DKKL1: variants seen among roughly 807,000 people sequenced by gnomAD.
The protein encoded by DKKL1 is dickkopf-like protein 1.
A neutral mutation model predicts 16.5 loss-of-function variants in DKKL1; 11 were observed. The ratio of observed to expected loss-of-function variants is 0.67; its 90% CI spans 0.42 to 1.10. The LOEUF (loss-of-function observed/expected upper bound fraction) is 1.10. Among genes scored for constraint, DKKL1 ranks in the 50% least tolerant of loss-of-function variants. The pLI is 0.00. For missense variants in DKKL1, 320 were observed against 308.1 expected (o/e 1.04, Z -0.29); for synonymous variants, 119 against 133.2 (o/e 0.89, Z 0.73).
chr19:49,373,157 A>T (rs2146802454), intron 4 of DKKL1, among the ~76,000 whole-genome samples: 1 of 151,790 alleles, frequency 6.6e-6, no homozygotes, highest in Admixed American at 6.6e-5. Flanking sequence ...TGCAAAAATT[A>T]GCTGGCATGG....
intron 4 of DKKL1, chr19:49,369,065 G>C (rs1463672487): frequency 6.6e-6 from 1 of 152,152 alleles, no homozygotes; most frequent in Non-Finnish European, 1.5e-5. Context: ...ACAGCAGTAA[G>C]GACCCAATGC....
chr19:49,368,069 T>G (rs1406277669), intron 4 of DKKL1, among the ~76,000 whole-genome samples: 2 of 151,996 alleles, frequency 1.3e-5, no homozygotes, highest in Non-Finnish European at 2.9e-5. Context: ...TCCTAGCAAT[T>G]TGGGAGGCCA....
chr19:49,371,704 G>A (rs1187076399), intron 4 of DKKL1, among the ~76,000 whole-genome samples: 1 of 152,048 alleles, frequency 6.6e-6, no homozygotes, highest in African/African-American at 2.4e-5. Flanking sequence ...GTACCATGGT[G>A]GTTTGCTGTA....
chr19:49,363,805 G>C (rs1973118293), upstream of DKKL1: 2 of 754,204 alleles, frequency 2.7e-6, no homozygotes, highest in Non-Finnish European at 4.5e-6. Flanking sequence ...GGGTGAGGCC[G>C]GCAAGTTTGG....
upstream of DKKL1, among the ~76,000 whole-genome samples, chr19:49,362,880 GT>G (rs199534986): frequency 5.3e-5 from 8 of 149,974 alleles, no homozygotes; most frequent in African/African-American, 9.8e-5. Flanking sequence ...AAGCCCTGAG[GT>G]TTTTTTTCTT....
chr19:49,362,709 G>A (rs1164361752), upstream of DKKL1, among the ~76,000 whole-genome samples: 3 of 151,816 alleles, frequency 2.0e-5, no homozygotes, highest in Admixed American at 1.3e-4. Flanking sequence ...TCCTGGGTCT[G>A]GGGGCTGGGA....
chr19:49,365,889 A>G lies in DKKL1; in HGVS notation c.417+4A>G. The G allele has an allele frequency of 6.2e-7, 1 of 1,613,334 alleles. No individual in the cohort carries two copies. Among genetic ancestry groups the G allele is most frequent in the Non-Finnish European group, 8.5e-7 (1 of 1,179,692 alleles). On this transcript the variant is annotated splice_donor_region_variant and intron_variant, in intron 4 of 4. Transcript: ENST00000221498. ...GAGCTTCGAGGGTGATTTGAAGGTT[A>G]GGACGTGCCCCGCCGTCAAAGTGTC...
intron 4 of DKKL1, among the ~76,000 whole-genome samples, chr19:49,371,960 T>G (rs1973508772): frequency 6.6e-6 from 1 of 152,240 alleles, no homozygotes; most frequent in Admixed American, 6.5e-5. Context: ...CATCCTTTTC[T>G]GTGGCCGAAT....
Position 49,374,787 on chromosome 19 carries a change from T to TCCATC in DKKL1, c.491_495dup (p.Arg166IlefsTer50). The stretch of plus-strand genomic sequence containing the variant: ...GCCACGGACAGCTTCCACACAGAAC[T>TCCATC]CCATCCCCGGGTGGCCTTCTGGATC... On this transcript the variant is annotated frameshift_variant, in exon 5 of 5. Transcript: ENST00000221498. LOFTEE classifies it low-confidence loss of function (END_TRUNC). 6.2e-7 allele frequency: 1 copy of TCCATC among 1,610,254 alleles called. No homozygotes were observed. Among genetic ancestry groups the TCCATC allele is most frequent in the Non-Finnish European group, 8.5e-7 (1 of 1,177,714 alleles).
chr19:49,374,641 G>A, intron 4 of DKKL1, 76 bp from the exon 5 acceptor site: 1 of 1,400,584 alleles, frequency 7.1e-7, no homozygotes. Flanking sequence ...AAAGTGGGCT[G>A]AATAGGTCAG....
upstream of DKKL1, chr19:49,362,037 A>G (rs1318742576): frequency 6.6e-6 from 1 of 152,624 alleles, no homozygotes; most frequent in Non-Finnish European, 1.5e-5. Context: ...AGAAGGACCA[A>G]ATGCCCCCCA....
At chr19:49,368,313 CAAAA>C (rs545751415) in intron 4 of DKKL1, among the ~76,000 whole-genome samples, 1 of 98,004 alleles carries the variant, frequency 1.0e-5, no homozygotes, top group South Asian at 3.2e-4. Flanking sequence ...ACTCTGTCTC[CAAAA>C]AAAAAAAAAA....
upstream of DKKL1, among the ~76,000 whole-genome samples, chr19:49,360,964 AGGGGACAGAGACCCAGAGAGAGAG>A (rs1164382022): frequency 5.1e-3 from 446 of 86,968 alleles, 9 homozygotes; most frequent in African/African-American, 0.021. Flanking sequence ...CCAGTGACGG[AGGGGACAGAGACCCAGAGAGAGAG>A]GGGGACAGAG....
Position 49,374,749 on chromosome 19 carries a change from A to G in DKKL1, c.450A>G (p.Val150=). ...GGATGGAGGAGAAGGAGGCCCTGGT[A>G]CCCATCCAGAAGGCCACGGACAGCT... The part of the protein sequence containing the change: ...VPRMEEKEAL[V]PIQKATDSFH... The change falls in exon 5 of 5, where the codon GTA becomes GTG. Residue 150 remains valine (V), a synonymous_variant. Coordinates refer to ENST00000221498, the MANE Select transcript of DKKL1 (RefSeq NM_014419.4). The G allele has an allele frequency of 6.4e-7, 1 of 1,563,106 alleles. No individual in the cohort carries two copies. Among genetic ancestry groups the G allele is most frequent in the Non-Finnish European group, 8.7e-7 (1 of 1,152,588 alleles).
upstream of DKKL1, among the ~76,000 whole-genome samples, chr19:49,361,029 GGAGGGGGGGACAGAGACCAGAGA>G (rs1568585317): frequency 1.8e-5 from 1 of 55,312 alleles, no homozygotes; most frequent in Non-Finnish European, 3.6e-5. Flanking sequence ...GAGACCAGAG[GGAGGGGGGGACAGAGACCAGAGA>G]GGGGGACAGA....
intron 3 of DKKL1, 47 bp downstream of exon 3, chr19:49,365,696 C>A: frequency 6.3e-7 from 1 of 1,595,708 alleles, no homozygotes; most frequent in Non-Finnish European, 8.6e-7. Flanking sequence ...GGGATCCCTC[C>A]ATCCCGCCAT....
At chr19:49,367,607 T>C (rs1276375423) in intron 4 of DKKL1, among the ~76,000 whole-genome samples, 1 of 151,962 alleles carries the variant, frequency 6.6e-6, no homozygotes, top group Non-Finnish European at 1.5e-5. Flanking sequence ...GGTTTCATCA[T>C]GTTGGCCAGA....
chr19:49,364,108 G>T, intron 1 of DKKL1, 100 bp downstream of exon 1: 1 of 1,507,554 alleles, frequency 6.6e-7, no homozygotes, highest in South Asian at 1.2e-5. Context: ...CCAACACTTT[G>T]GGAGGCCCAG....
chr19:49,364,082 G>A, intron 1 of DKKL1, 74 bp downstream of exon 1: 2 of 1,581,756 alleles, frequency 1.3e-6, no homozygotes, highest in Non-Finnish European at 1.7e-6. Context: ...GGGTGCTGTG[G>A]CTTACGCCTG....
Sources: allele counts gnomAD v4.1 joint callset (sites outside exome capture counted in the v4.1 genomes callset), GRCh38; gene constraint gnomAD v4.1.1; transcripts MANE v1.5; gene names NCBI Gene and HGNC (gene_info 2026-07-23, HGNC 2026-07-21).